ZBBX: variants seen among roughly 807,000 people sequenced by gnomAD.
ZBBX encodes zinc finger B-box domain-containing protein 1.
A neutral mutation model predicts 108.5 loss-of-function variants in ZBBX; 101 were observed. The ratio of observed to expected loss-of-function variants is 0.93; its 90% confidence interval spans 0.79 to 1.10. ZBBX has a LOEUF of 1.10. Among genes scored for constraint, ZBBX ranks in the 50% least tolerant of loss-of-function variants. The pLI is 0.00. For missense variants in ZBBX, 1,009 were observed against 941.4 expected (o/e 1.07, Z -0.94); for synonymous variants, 356 against 323.4 (o/e 1.10, Z -1.08).
intron 11 of ZBBX, among the ~76,000 whole-genome samples, chr3:167,324,650 C>G (rs75031389): frequency 0.05 from 7,665 of 152,146 alleles, 527 homozygotes; most frequent in African/African-American, 0.16. Flanking sequence ...CCTCCTTGAC[C>G]CTTACTTCGG....
the ZBBX span, among the ~76,000 whole-genome samples, chr3:167,220,718 G>A: frequency 6.6e-6 from 1 of 151,876 alleles, no homozygotes; most frequent in Non-Finnish European, 1.5e-5. Flanking sequence ...AGTACTAGAA[G>A]TCCTAGCTAG....
intron 1 of ZBBX, among the ~76,000 whole-genome samples, chr3:167,395,859 G>A (rs1748219266): frequency 6.6e-6 from 1 of 152,058 alleles, no homozygotes; most frequent in Admixed American, 6.6e-5. Context: ...TTTGGTTTGA[G>A]GAATTGGCTT....
At chr3:167,394,404 C>T (rs1470365436) in intron 1 of ZBBX, among the ~76,000 whole-genome samples, 1 of 151,936 alleles carries the variant, frequency 6.6e-6, no homozygotes, top group Non-Finnish European at 1.5e-5. Context: ...GTAGAAGCCA[C>T]ATGCATATGG....
chr3:167,369,966 A>C (rs1304612149), intron 4 of ZBBX, among the ~76,000 whole-genome samples: 2 of 152,088 alleles, frequency 1.3e-5, no homozygotes, highest in Admixed American at 1.3e-4. Context: ...GTAGCAAAAA[A>C]TAAAACTGCT....
At chr3:167,326,292 A>AT (rs924828099) in intron 11 of ZBBX, among the ~76,000 whole-genome samples, 5 of 152,050 alleles carry the variant, frequency 3.3e-5, no homozygotes, top group African/African-American at 1.2e-4. Context: ...GTGTTACCTC[A>AT]TTTTTTTGTG....
At chr3:167,200,072 G>A in the ZBBX span, among the ~76,000 whole-genome samples, 1 of 152,082 alleles carries the variant, frequency 6.6e-6, no homozygotes, top group Non-Finnish European at 1.5e-5. Flanking sequence ...GGCTCTGTGT[G>A]TCTGTCTGTC....
chr3:167,358,793 G>C lies in ZBBX; in HGVS notation c.432+1077C>G, dbSNP rs149210304. Among the ~76,000 whole-genome samples the C allele has an allele frequency of 2.3e-3, 353 of 151,706 alleles. 2 individuals carry two copies. Among genetic ancestry groups the C allele is most frequent in the African/African-American group, 7.2e-3 (297 of 41,394 alleles). On this transcript the variant is annotated intron_variant, in intron 8 of 21. Coordinates refer to ENST00000675490, the MANE Select transcript of ZBBX (RefSeq NM_001199201.2). ...CTACTAAAAATACAAAAAATTAGCTGGGCGTGGTGACGCGTGCCTATAATC... is the reference window on the plus strand; with the variant it reads ...CTACTAAAAATACAAAAAATTAGCTCGGCGTGGTGACGCGTGCCTATAATC...
intron 18 of ZBBX, among the ~76,000 whole-genome samples, chr3:167,292,410 C>T (rs1001788717): frequency 1.1e-4 from 17 of 152,160 alleles, no homozygotes; most frequent in Non-Finnish European, 2.5e-4. Flanking sequence ...CTCAAAACTG[C>T]ACGACTACAT....
chr3:167,383,553 C>G (rs1175061312), upstream of ZBBX, among the ~76,000 whole-genome samples: 3 of 151,986 alleles, frequency 2.0e-5, no homozygotes, highest in Non-Finnish European at 4.4e-5. Context: ...TATAATTTTT[C>G]TCGGCTTTGT....
At chr3:167,238,435 T>C (rs1720320210), downstream of ZBBX, among the ~76,000 whole-genome samples, 1 of 152,092 alleles carries the variant, frequency 6.6e-6, no homozygotes, top group South Asian at 2.1e-4. Flanking sequence ...TCAGTTTCAA[T>C]AGGATGCATT....
At chr3:167,261,774 GCAAAA>G (rs1560038818) in intron 20 of ZBBX, among the ~76,000 whole-genome samples, 1 of 36,050 alleles carries the variant, frequency 2.8e-5, no homozygotes. Flanking sequence ...CCTCCCAACT[GCAAAA>G]AAAAAAAAAA....
At chr3:167,393,527 G>T (rs1380896110) in intron 1 of ZBBX, among the ~76,000 whole-genome samples, 1 of 151,724 alleles carries the variant, frequency 6.6e-6, no homozygotes, top group African/African-American at 2.4e-5. Flanking sequence ...TTTATAAACT[G>T]CTCCAAGAAA....
chr3:167,327,934 AG>A lies in ZBBX; in HGVS notation c.862+7del. 3.2e-6 allele frequency: 5 copies of A among 1,563,832 alleles called. No individual in the cohort carries two copies. Among genetic ancestry groups the A allele is most frequent in the Non-Finnish European group, 3.4e-6 (4 of 1,165,610 alleles). The stretch of plus-strand genomic sequence containing the variant: ...GTCTCAAAAAAAAAAAAAAAAAAAA[AG>A]CCATACCTTTTACTGCTGCATGTAA... On this transcript the variant is annotated splice_region_variant and intron_variant, in intron 11 of 21. Coordinates refer to ENST00000675490, the MANE Select transcript of ZBBX (RefSeq NM_001199201.2).
At chr3:167,180,281 T>A in the ZBBX span, among the ~76,000 whole-genome samples, 2 of 152,228 alleles carry the variant, frequency 1.3e-5, no homozygotes, top group Admixed American at 6.5e-5. Context: ...CCTCTAAGGA[T>A]AGAAAACAGA....
Position 167,328,120 on chromosome 3 carries a change from A to T in ZBBX, c.688-4T>A. 1 of 1,607,278 alleles carries T rather than the reference A, an allele frequency of 6.2e-7. No individual in the cohort carries two copies. Among genetic ancestry groups the T allele is most frequent in the Non-Finnish European group, 8.5e-7 (1 of 1,178,010 alleles). On this transcript the variant is annotated splice_region_variant and splice_polypyrimidine_tract_variant and intron_variant, in intron 10 of 21. Transcript: ENST00000675490. ...TTTTCATCGTTGTAATTTCTACCTA[A>T]TTAAAAGGATACATAGGCATGCTTT... is the stretch of plus-strand genomic sequence containing the variant.
At chr3:167,250,219 A>G (rs1027157668) in intron 20 of ZBBX, among the ~76,000 whole-genome samples, 15 of 152,128 alleles carry the variant, frequency 9.9e-5, no homozygotes, top group Admixed American at 9.2e-4. Flanking sequence ...TATAATAGAG[A>G]CAGGAGGCCT....
chr3:167,187,286 G>A, the ZBBX span, among the ~76,000 whole-genome samples: 1 of 152,148 alleles, frequency 6.6e-6, no homozygotes, highest in Non-Finnish European at 1.5e-5. Flanking sequence ...CTTTGACAAG[G>A]AGTAGCAAAA....
In ZBBX at chr3:167,395,180, AAAT is replaced by A. The variant is rs1237111447; in HGVS notation, c.-446+12543_-446+12545del. Reference sequence around the variant, plus strand: ...TGAAGGCCAAGATTGAAATGGAAAAAAATAATATGGGGATTTATAGATCAAACT... The same window carrying A: ...TGAAGGCCAAGATTGAAATGGAAAAAAATATGGGGATTTATAGATCAAACT... On this transcript the variant is annotated intron_variant, in intron 1 of 21. Transcript: ENST00000455345. Among the ~76,000 whole-genome samples the A allele has an allele frequency of 3.9e-5, 6 of 152,194 alleles. No individual in the cohort carries two copies. In the East Asian group the frequency reaches 1.2e-3, roughly 29 times the overall value.
the ZBBX span, among the ~76,000 whole-genome samples, chr3:167,212,705 A>G: frequency 6.6e-6 from 1 of 152,118 alleles, no homozygotes; most frequent in Non-Finnish European, 1.5e-5. Context: ...AAACACTGAG[A>G]TTGTTCTAGA....
Sources: gnomAD v4.1 joint callset for allele counts (sites outside exome capture counted in the v4.1 genomes callset) on GRCh38, gnomAD v4.1.1 for gene constraint, MANE v1.5 for transcripts, NCBI Gene and HGNC (gene_info 2026-07-23, HGNC 2026-07-21) for gene names.